KIF26B: variants seen among roughly 807,000 people sequenced by gnomAD.
The protein encoded by KIF26B is kinesin-like protein KIF26B.
KIF26B carries 63 observed loss-of-function variants against 151.2 expected under a neutral mutation model. The ratio of observed to expected loss-of-function variants is 0.42; its 90% confidence interval spans 0.34 to 0.51. The LOEUF (loss-of-function observed/expected upper bound fraction) is 0.51. Ranked by LOEUF, KIF26B falls within the 20% of genes least tolerant of loss-of-function variation. The probability of loss-of-function intolerance (pLI) is 0.07; values close to 1 mark genes in which losing one functional copy is unlikely to be tolerated. For missense variants in KIF26B, 2,813 were observed against 2,913.6 expected, an observed-to-expected ratio of 0.97 and a Z score of 0.79; for synonymous variants, 1,357 against 1,262.1, an observed-to-expected ratio of 1.08 and a Z score of -1.59.
intron 3 of KIF26B, among the ~76,000 whole-genome samples, chr1:245,409,076 TG>T (rs1674209972): frequency 6.6e-6 from 1 of 152,212 alleles, no homozygotes; most frequent in Non-Finnish European, 1.5e-5. Flanking sequence ...TTATACACCC[TG>T]ACTATGTCGC....
At chr1:245,493,154 G>A (rs757404260) in intron 4 of KIF26B, among the ~76,000 whole-genome samples, 2 of 152,080 alleles carry the variant, frequency 1.3e-5, no homozygotes, top group African/African-American at 2.4e-5. Context: ...CCTACAATTC[G>A]TTTTGTAAAC....
chr1:245,324,888 A>G (rs774496447), intron 2 of KIF26B, among the ~76,000 whole-genome samples: 2 of 152,058 alleles, frequency 1.3e-5, no homozygotes, highest in Non-Finnish European at 2.9e-5. Context: ...TGAGGTCAGG[A>G]GTTCGAGACC....
intron 3 of KIF26B, among the ~76,000 whole-genome samples, chr1:245,368,859 G>T (rs1673025978): frequency 6.6e-6 from 1 of 152,158 alleles, no homozygotes; most frequent in Non-Finnish European, 1.5e-5. Context: ...TCTTTGCTGG[G>T]CGTGGTGGCT....
chr1:245,582,910 G>C (rs1448869442), intron 5 of KIF26B, among the ~76,000 whole-genome samples: 1 of 152,150 alleles, frequency 6.6e-6, no homozygotes, highest in Non-Finnish European at 1.5e-5. Context: ...GAGCATGAGA[G>C]TGGCCAGCAT....
At chr1:245,165,471 A>G (rs1378581910) in intron 2 of KIF26B, among the ~76,000 whole-genome samples, 4 of 152,302 alleles carry the variant, frequency 2.6e-5, no homozygotes, top group South Asian at 2.1e-4. Flanking sequence ...GAATGGTCCA[A>G]TGGGCTCCTG....
rs1553287299 is a variant in KIF26B, at chr1:245,552,122, G to GATGTGTGTGTGTGTGTGTGTGT, written c.1350+11172_1350+11173insATGTGTGTGTGTGTGTGTGTGT. On this transcript the variant is annotated intron_variant, in intron 5 of 14. Coordinates refer to ENST00000407071, the MANE Select transcript of KIF26B (RefSeq NM_018012.4). ...TTCTCCAGAGAAACAGAACCAGCAG[G>GATGTGTGTGTGTGTGTGTGTGT]GTGTGTGTGTGTGTGTGTGTGTGTG... Among the ~76,000 whole-genome samples, 25 of 131,614 alleles carry GATGTGTGTGTGTGTGTGTGTGT rather than the reference G, an allele frequency of 1.9e-4. 1 individual carries two copies. Among genetic ancestry groups the GATGTGTGTGTGTGTGTGTGTGT allele is most frequent in the Non-Finnish European group, 3.7e-4 (23 of 61,554 alleles). 86.3% of individuals were successfully genotyped at this position (131,614 alleles called of 152,430 possible).
rs1241102519 is a variant in KIF26B, at chr1:245,540,360, A to G, written c.1167-407A>G. On this transcript the variant is annotated intron_variant, in intron 4 of 14. Transcript: ENST00000407071. This position sits in a 1 kb window ranked among gnomAD's most constrained non-coding sequence, Gnocchi z 4.6. ...TCATCAGACTGGTTTGGATTTTACA[A>G]GGTGTTAGAGTTTTTAAATTAGCTC... 3.3e-5 allele frequency among the ~76,000 whole-genome samples: 5 copies of G among 152,106 alleles called. No homozygotes were observed.
At chr1:245,187,011 C>T (rs1669012270) in intron 2 of KIF26B, among the ~76,000 whole-genome samples, 1 of 152,050 alleles carries the variant, frequency 6.6e-6, no homozygotes, top group African/African-American at 2.4e-5. Flanking sequence ...CGCGCACCAC[C>T]ACGCTCAGCT....
intron 12 of KIF26B, 57 bp downstream of exon 12, chr1:245,688,864 C>A: frequency 6.6e-7 from 1 of 1,503,910 alleles, no homozygotes; most frequent in Non-Finnish European, 8.9e-7. Context: ...GCGAGCTGCC[C>A]AAACCCCACT....
Position 245,686,138 on chromosome 1 carries a change from C to G in KIF26B, c.3155C>G (p.Ser1052Cys). 1 of 1,612,146 alleles carries G rather than the reference C, an allele frequency of 6.2e-7. No individual in the cohort carries two copies. The highest frequency in any genetic ancestry group is 1.3e-5 in the African/African-American group (1 of 75,050). The change falls in exon 12 of 15, where the codon TCC (serine) becomes TGC (cysteine). Residue 1052 changes from serine to cysteine, a missense_variant. Coordinates refer to ENST00000407071, the MANE Select transcript of KIF26B (RefSeq NM_018012.4). The surrounding 1 kb of genome is among the most constrained non-coding windows in gnomAD (Gnocchi z 5.6). ...SLQSSRESLNSCGFVEGKPRP... is the reference protein window; with the variant it reads ...SLQSSRESLNCCGFVEGKPRP... ...CAGAGCAGCCGGGAGAGCCTCAACT[C>G]CTGCGGCTTCGTGGAAGGCAAGCCC...
intron 4 of KIF26B, among the ~76,000 whole-genome samples, chr1:245,494,553 C>T (rs910077477): frequency 6.6e-6 from 1 of 152,016 alleles, no homozygotes; most frequent in African/African-American, 2.4e-5. Flanking sequence ...CTCTACCTTT[C>T]TCATAAGTTG....
At position 245,184,050 on chromosome 1, in the gene KIF26B, G is replaced by GTTTTTTGTTTTTTTTTTTTTTTTTTTTTT. The variant is rs1553332272; in HGVS notation, c.465+27373_465+27374insGTTTTTTTTTTTTTTTTTTTTTTTTTTTT. Among the ~76,000 whole-genome samples the GTTTTTTGTTTTTTTTTTTTTTTTTTTTTT allele has an allele frequency of 3.0e-3, 59 of 19,802 alleles. 4 individuals carry two copies. The highest frequency in any genetic ancestry group is 4.2e-3 in the African/African-American group (28 of 6,610). 13.0% of individuals were successfully genotyped at this position (19,802 alleles called of 152,430 possible). On this transcript the variant is annotated intron_variant, in intron 2 of 14. Transcript: ENST00000407071. ...GCAACAGGTATGGGTGGGAGTTGTT[G>GTTTTTTGTTTTTTTTTTTTTTTTTTTTTT]TTTTTTTTTTTTTTTTTTTGAGCTT...
intron 2 of KIF26B, among the ~76,000 whole-genome samples, chr1:245,351,402 CT>C (rs1160545324): frequency 6.6e-6 from 1 of 152,198 alleles, no homozygotes; most frequent in East Asian, 1.9e-4. Context: ...GAAAACTCAG[CT>C]ATGCCTTTTC....
At chr1:245,466,752 C>A (rs1258805556) in intron 4 of KIF26B, among the ~76,000 whole-genome samples, 1 of 152,116 alleles carries the variant, frequency 6.6e-6, no homozygotes, top group Non-Finnish European at 1.5e-5. Context: ...ATGGTGAAAC[C>A]CTGTCTCCAC....
intron 2 of KIF26B, among the ~76,000 whole-genome samples, chr1:245,277,775 T>C (rs564736794): frequency 1.3e-5 from 2 of 152,224 alleles, no homozygotes; most frequent in African/African-American, 4.8e-5. Context: ...GCAGTCATGG[T>C]GACTGGGAAG....
At chr1:245,302,972 G>C (rs994708347) in intron 2 of KIF26B, among the ~76,000 whole-genome samples, 1 of 101,066 alleles carries the variant, frequency 9.9e-6, no homozygotes, top group East Asian at 3.6e-4. Flanking sequence ...CTGGGCAATA[G>C]AGCAAGACTC....
At chr1:245,428,762 T>C (rs1051327138) in intron 4 of KIF26B, among the ~76,000 whole-genome samples, 1 of 151,882 alleles carries the variant, frequency 6.6e-6, no homozygotes, top group Admixed American at 6.6e-5. Flanking sequence ...TGGCGGCCGG[T>C]TGGGGTGTTG....
intron 3 of KIF26B, among the ~76,000 whole-genome samples, chr1:245,417,212 A>T (rs1674442176): frequency 6.6e-6 from 1 of 152,190 alleles, no homozygotes; most frequent in African/African-American, 2.4e-5. Context: ...AAATGCTAAC[A>T]TTTGTGAATA....
chr1:245,410,047 G>C (rs533469616), intron 3 of KIF26B, among the ~76,000 whole-genome samples: 1 of 152,328 alleles, frequency 6.6e-6, no homozygotes, highest in South Asian at 2.1e-4. Flanking sequence ...GATAAAGAAG[G>C]ATGCAAGTAT....
Sources: allele counts gnomAD v4.1 joint callset (sites outside exome capture counted in the v4.1 genomes callset), GRCh38; gene constraint gnomAD v4.1.1; non-coding constraint Gnocchi (gnomAD v3.1); transcripts MANE v1.5; gene names NCBI Gene and HGNC (gene_info 2026-07-23, HGNC 2026-07-21).